The following WDFY3 variants were observed in gnomAD, a reference collection of about 807,000 sequenced individuals.
The protein encoded by WDFY3 is WD repeat and FYVE domain containing 3.
In WDFY3, 66 loss-of-function variants were observed where a neutral mutation model predicts 409.6. The ratio of observed to expected loss-of-function variants is 0.16; its 90% confidence interval spans 0.13 to 0.20. The LOEUF is 0.20. Among genes scored for constraint, WDFY3 ranks in the 10% least tolerant of loss-of-function variants. The pLI is 1.00. For synonymous variants in WDFY3, 1,521 were observed against 1,537.1 expected, an observed-to-expected ratio of 0.99 and a Z score of 0.25; for missense variants, 3,031 against 4,298.1, an observed-to-expected ratio of 0.71 and a Z score of 8.24.
intron 65 of WDFY3, 28 bp downstream of exon 65, chr4:84,678,891 G>C (rs1451732844): frequency 6.3e-7 from 1 of 1,588,618 alleles, no homozygotes; most frequent in Non-Finnish European, 8.6e-7. Context: ...TATAAGGAGT[G>C]AGAAATAGAT....
intron 38 of WDFY3, 110 bp downstream of exon 38, chr4:84,741,651 T>A (rs1738451484): frequency 8.0e-7 from 1 of 1,254,254 alleles, no homozygotes; most frequent in Non-Finnish European, 1.1e-6. Flanking sequence ...AGCTTTTTCT[T>A]AAATGTTAAC....
In WDFY3 at chr4:84,782,921, G is replaced by A; in HGVS notation, c.4174+42C>T. 4 of 1,582,836 alleles carry A rather than the reference G, an allele frequency of 2.5e-6. No individual in the cohort carries two copies. The South Asian group carries it at 4.5e-5, about 18-fold the overall frequency. On this transcript the variant is annotated intron_variant, in intron 25 of 67. Transcript: ENST00000295888. ...GAGGAAAGTGAATGCAAACTTGATGGCAAATAAAGAAGTTTGAAACAACAA... is the reference window on the plus strand; with the variant it reads ...GAGGAAAGTGAATGCAAACTTGATGACAAATAAAGAAGTTTGAAACAACAA...
chr4:84,902,938 C>A (rs1766537126), intron 2 of WDFY3, among the ~76,000 whole-genome samples: 1 of 152,144 alleles, frequency 6.6e-6, no homozygotes, highest in Non-Finnish European at 1.5e-5. Context: ...TAACCAAGCA[C>A]TTGTAGTCCT....
chr4:84,699,046 T>A (rs1730636947), intron 56 of WDFY3, among the ~76,000 whole-genome samples: 1 of 149,594 alleles, frequency 6.7e-6, no homozygotes, highest in African/African-American at 2.5e-5. Flanking sequence ...GGCAAACTGT[T>A]TTTTTTTTTT....
At chr4:84,893,301 G>A (rs778307538) in intron 3 of WDFY3, among the ~76,000 whole-genome samples, 3 of 152,186 alleles carry the variant, frequency 2.0e-5, no homozygotes, top group Non-Finnish European at 4.4e-5. Context: ...TACCTACCAT[G>A]GGAGACTCTG....
chr4:84,838,646 C>T (rs189572817), intron 6 of WDFY3, among the ~76,000 whole-genome samples: 20 of 152,256 alleles, frequency 1.3e-4, no homozygotes, highest in Non-Finnish European at 2.6e-4. Flanking sequence ...CAAGATGTGG[C>T]CCCTTTCTAC....
intron 2 of WDFY3, among the ~76,000 whole-genome samples, chr4:84,904,544 A>G (rs1380794990): frequency 2.6e-5 from 4 of 152,196 alleles, no homozygotes; most frequent in African/African-American, 7.2e-5. Context: ...AAAATTTTTA[A>G]AAATAAATAA....
intron 62 of WDFY3, among the ~76,000 whole-genome samples, chr4:84,685,108 T>C (rs897946668): frequency 1.3e-5 from 2 of 152,208 alleles, no homozygotes; most frequent in African/African-American, 4.8e-5. Context: ...GATAGTCTGT[T>C]TGTCACAATG....
intron 63 of WDFY3, among the ~76,000 whole-genome samples, chr4:84,683,298 ACT>A (rs1477059151): frequency 6.6e-6 from 1 of 152,064 alleles, no homozygotes; most frequent in African/African-American, 2.4e-5. Flanking sequence ...TCAACATGTG[ACT>A]CTGACTAAAG....
At chr4:84,811,188 G>C (rs1283157330) in intron 13 of WDFY3, among the ~76,000 whole-genome samples, 2 of 151,976 alleles carry the variant, frequency 1.3e-5, no homozygotes, top group African/African-American at 4.8e-5. Flanking sequence ...TAGTAGAGAT[G>C]GGGTTTCACC....
intron 9 of WDFY3, among the ~76,000 whole-genome samples, chr4:84,828,802 G>A (rs2149895817): frequency 6.6e-6 from 1 of 152,314 alleles, no homozygotes; most frequent in Non-Finnish European, 1.5e-5. Context: ...GGGAGGCTGA[G>A]GTGGGAGGAC....
At position 84,702,501 on chromosome 4, in the gene WDFY3, G is replaced by C; in HGVS notation, c.8448C>G (p.Gly2816=). ...ACATCCGGTCAGCCAGGTCAAAGTG[G>C]CCACCCTGTGGGCAGAATAAGACAC... The part of the protein sequence containing the change: ...FTQIFLRLQG[G]HFDLADRMFH... The change falls in exon 56 of 68, where the codon GGC becomes GGG. Residue 2816 remains glycine (G), a synonymous_variant. Transcript: ENST00000295888. 8 of 1,605,820 alleles carry C rather than the reference G, an allele frequency of 5.0e-6. No homozygotes were observed. The highest frequency in any genetic ancestry group is 6.8e-6 in the Non-Finnish European group (8 of 1,176,800).
intron 30 of WDFY3, among the ~76,000 whole-genome samples, chr4:84,770,622 C>T (rs1744518062): frequency 1.3e-5 from 2 of 152,200 alleles, no homozygotes; most frequent in Middle Eastern, 3.4e-3. Flanking sequence ...AACTTAGTAC[C>T]TTAATCATTA....
intron 58 of WDFY3, among the ~76,000 whole-genome samples, chr4:84,695,418 T>TTAGTGGTC (rs571445835): frequency 1.3e-5 from 2 of 151,510 alleles, no homozygotes; most frequent in East Asian, 3.9e-4. Context: ...AATAGCTTTC[T>TTAGTGGTC]TAGTGGTCTT....
chr4:84,679,841 TACACACAC>T (rs954549793), intron 64 of WDFY3, among the ~76,000 whole-genome samples: 12 of 141,262 alleles, frequency 8.5e-5, no homozygotes, highest in South Asian at 4.8e-4. Flanking sequence ...TATATATATA[TACACACAC>T]ACACACACAC....
chr4:84,964,295 CT>C (rs1775324126), intron 1 of WDFY3, among the ~76,000 whole-genome samples: 1 of 152,042 alleles, frequency 6.6e-6, no homozygotes, highest in South Asian at 2.1e-4. Context: ...CAGGGAGACC[CT>C]CATCTCTACA....
At chr4:84,778,728 C>A (rs2149469922) in intron 26 of WDFY3, 73 bp from the exon 27 acceptor site, 1 of 1,463,918 alleles carries the variant, frequency 6.8e-7, no homozygotes, top group East Asian at 2.3e-5. Flanking sequence ...CAAACACACA[C>A]ATACACACAC....
chr4:84,679,004 G>C lies in WDFY3; in HGVS notation c.10062C>G (p.Gly3354=). 2 of 1,614,222 alleles carry C rather than the reference G, an allele frequency of 1.2e-6. No homozygotes were observed. Among genetic ancestry groups the C allele is most frequent in the Non-Finnish European group, 1.7e-6 (2 of 1,180,036 alleles). The part of the protein sequence containing the change: ...DGFIFVNYSE[G]QTRAHLQGPL... The stretch of plus-strand genomic sequence containing the variant: ...GGCCCTGCAGATGGGCTCTGGTCTG[G>C]CCCTCTGAATAGTTCACAAATATGA... Residue 3354 remains glycine, a synonymous_variant, in exon 65 of 68, where the codon GGC becomes GGG. Coordinates refer to ENST00000295888, the MANE Select transcript of WDFY3 (RefSeq NM_014991.6).
chr4:84,924,616 A>C (rs1769731792), intron 2 of WDFY3, among the ~76,000 whole-genome samples: 1 of 152,214 alleles, frequency 6.6e-6, no homozygotes, highest in South Asian at 2.1e-4. Flanking sequence ...CATGCTAGAA[A>C]CCAGAAAAAC....
Sources: allele counts gnomAD v4.1 joint callset (sites outside exome capture counted in the v4.1 genomes callset), GRCh38; gene constraint gnomAD v4.1.1; transcripts MANE v1.5; gene names NCBI Gene and HGNC (gene_info 2026-07-23, HGNC 2026-07-21).